IQCM: variants seen among roughly 807,000 people sequenced by gnomAD.
The protein encoded by IQCM is IQ motif containing M, also known as IQ domain-containing protein M.
Under a neutral mutation model 57.6 loss-of-function variants are expected in IQCM, and 45 were observed. The ratio of observed to expected loss-of-function variants is 0.78; its 90% confidence interval spans 0.62 to 1.00. The LOEUF is 1.00. Ranked by LOEUF, IQCM falls within the 50% of genes least tolerant of loss-of-function variation. The pLI is 0.00. For missense variants in IQCM, 468 were observed against 511.6 expected (o/e 0.91, Z 0.82); for synonymous variants, 148 against 158.9 (o/e 0.93, Z 0.51).
intron 2 of IQCM, among the ~76,000 whole-genome samples, chr4:149,759,432 G>A (rs902605329): frequency 6.6e-6 from 1 of 152,080 alleles, no homozygotes; most frequent in African/African-American, 2.4e-5. Flanking sequence ...TGTCAATATA[G>A]GGTCATCAAT....
At chr4:149,386,963 A>G (rs1303278895) in intron 13 of IQCM, among the ~76,000 whole-genome samples, 1 of 152,036 alleles carries the variant, frequency 6.6e-6, no homozygotes, top group Non-Finnish European at 1.5e-5. Context: ...TTCATATAGC[A>G]CCACAAATCA....
intron 5 of IQCM, among the ~76,000 whole-genome samples, chr4:149,701,144 T>A (rs1406189438): frequency 6.6e-6 from 1 of 151,988 alleles, no homozygotes; most frequent in Non-Finnish European, 1.5e-5. Flanking sequence ...CAATAATATT[T>A]TGAGAACTGA....
intron 5 of IQCM, among the ~76,000 whole-genome samples, chr4:149,712,611 CA>C (rs1764653770): frequency 6.6e-6 from 1 of 152,142 alleles, no homozygotes; most frequent in Non-Finnish European, 1.5e-5. Flanking sequence ...GAAATACAAA[CA>C]AGACTGGTAA....
At chr4:149,362,743 A>G (rs569552244) in intron 13 of IQCM, among the ~76,000 whole-genome samples, 38 of 152,322 alleles carry the variant, frequency 2.5e-4, no homozygotes, top group Non-Finnish European at 5.3e-4. Flanking sequence ...TTATATTTAT[A>G]TAGCAGAGGT....
chr4:149,386,185 T>C (rs1255150222), intron 13 of IQCM, among the ~76,000 whole-genome samples: 1 of 152,108 alleles, frequency 6.6e-6, no homozygotes, highest in Non-Finnish European at 1.5e-5. Flanking sequence ...GTATAGCATG[T>C]TCACTGTGAT....
chr4:149,703,166 C>T (rs1348777267), intron 5 of IQCM, among the ~76,000 whole-genome samples: 1 of 151,902 alleles, frequency 6.6e-6, no homozygotes, highest in African/African-American at 2.4e-5. Flanking sequence ...TAAATGCATA[C>T]ATACTTAAAT....
At chr4:149,459,545 T>G (rs897081721) in intron 12 of IQCM, among the ~76,000 whole-genome samples, 7 of 152,156 alleles carry the variant, frequency 4.6e-5, no homozygotes, top group African/African-American at 7.2e-5. Context: ...CCACCATCTA[T>G]CTCCAGAATT....
chr4:149,416,276 C>T (rs763315055), intron 13 of IQCM, among the ~76,000 whole-genome samples: 20 of 151,828 alleles, frequency 1.3e-4, no homozygotes, highest in Non-Finnish European at 2.6e-4. Context: ...ACATAGTGAT[C>T]CTGAAGATTT....
chr4:149,634,320 C>A (rs1201117603), intron 7 of IQCM, among the ~76,000 whole-genome samples: 1 of 152,156 alleles, frequency 6.6e-6, no homozygotes, highest in Non-Finnish European at 1.5e-5. Context: ...GCAATCACTT[C>A]ACTGATCCTG....
intron 7 of IQCM, among the ~76,000 whole-genome samples, chr4:149,639,041 A>G (rs1278826337): frequency 6.6e-6 from 1 of 152,216 alleles, no homozygotes; most frequent in African/African-American, 2.4e-5. Context: ...GCCAAAGGGA[A>G]CTTTCTAACG....
At chr4:149,618,375 GT>G (rs1406813865) in intron 8 of IQCM, among the ~76,000 whole-genome samples, 1 of 152,064 alleles carries the variant, frequency 6.6e-6, no homozygotes, top group Non-Finnish European at 1.5e-5. Context: ...AGACTTAAAT[GT>G]AAGACCTGAA....
chr4:149,618,463 C>G (rs548555330), intron 8 of IQCM, among the ~76,000 whole-genome samples: 2 of 151,944 alleles, frequency 1.3e-5, no homozygotes, highest in African/African-American at 4.8e-5. Context: ...ACAGATAAGC[C>G]CTCAAAAGGA....
At chr4:149,748,792 ACC>A (rs1359121381) in intron 2 of IQCM, 2 of 152,162 alleles carry the variant, frequency 1.3e-5, no homozygotes, top group Non-Finnish European at 2.9e-5. Flanking sequence ...TGTTAGATAG[ACC>A]CATACTTGAG....
chr4:149,781,706 G>A (rs980941916), intron 2 of IQCM, among the ~76,000 whole-genome samples: 1 of 152,158 alleles, frequency 6.6e-6, no homozygotes. Context: ...TCTGCTGGGG[G>A]TCTTGGAATG....
chr4:149,723,502 G>T (rs572895330), intron 5 of IQCM, among the ~76,000 whole-genome samples: 2 of 151,862 alleles, frequency 1.3e-5, no homozygotes, highest in African/African-American at 2.4e-5. Context: ...GTAAAGGGAC[G>T]CTGCATTTTT....
At chr4:149,522,081 G>A (rs1293716616) in intron 12 of IQCM, among the ~76,000 whole-genome samples, 2 of 152,166 alleles carry the variant, frequency 1.3e-5, no homozygotes, top group Non-Finnish European at 2.9e-5. Context: ...GGTGTTACAG[G>A]GGAGCCAGCA....
intron 12 of IQCM, among the ~76,000 whole-genome samples, chr4:149,486,352 A>T (rs1741512251): frequency 6.6e-6 from 1 of 152,066 alleles, no homozygotes; most frequent in Admixed American, 6.6e-5. Context: ...CCCACACCAT[A>T]GTACAAAGTC....
In IQCM at chr4:149,543,654, G is replaced by T. The variant is rs538846104; in HGVS notation, c.1228+4801C>A. 2.0e-5 allele frequency among the ~76,000 whole-genome samples: 3 copies of T among 151,740 alleles called. 1 individual carries two copies. In the South Asian group the frequency reaches 6.2e-4, roughly 32 times the overall value. On this transcript the variant is annotated intron_variant, in intron 12 of 13. Transcript: ENST00000636793. ...GCTAGATGACAAGTTAGTGGGTGCAGCGCACCAGCATGGCACATGTATACA... is the reference window on the plus strand; with the variant it reads ...GCTAGATGACAAGTTAGTGGGTGCATCGCACCAGCATGGCACATGTATACA...
chr4:149,651,022 T>A (rs2150133889), intron 7 of IQCM, among the ~76,000 whole-genome samples: 1 of 152,252 alleles, frequency 6.6e-6, no homozygotes, highest in Non-Finnish European at 1.5e-5. Flanking sequence ...AATCAGGAAT[T>A]CACATTCCTT....
Sources: gnomAD v4.1 joint callset for allele counts (sites outside exome capture counted in the v4.1 genomes callset) on GRCh38, gnomAD v4.1.1 for gene constraint, MANE v1.5 for transcripts, NCBI Gene and HGNC (gene_info 2026-07-23, HGNC 2026-07-21) for gene names.